LEKR1: variants seen among roughly 807,000 people sequenced by gnomAD.
The protein encoded by LEKR1 is protein LEKR1.
LEKR1 carries 59 observed loss-of-function variants against 72.4 expected under a neutral mutation model. That is an observed-to-expected ratio of 0.82 (90% CI 0.66 to 1.01). The LOEUF (loss-of-function observed/expected upper bound fraction) is 1.01. Ranked by LOEUF, LEKR1 falls within the 50% of genes least tolerant of loss-of-function variation. The pLI is 0.00. For synonymous variants in LEKR1, 257 were observed against 263.2 expected (o/e 0.98, Z 0.23); for missense variants, 728 against 759.2 (o/e 0.96, Z 0.48).
chr3:156,999,564 C>T (rs1404392528), intron 9 of LEKR1, among the ~76,000 whole-genome samples: 1 of 152,178 alleles, frequency 6.6e-6, no homozygotes, highest in African/African-American at 2.4e-5. Context: ...TTGTGAGGCT[C>T]AGTGGAAGGG....
At chr3:156,988,661 C>T in intron 7 of LEKR1, 1 of 238,012 alleles carries the variant, frequency 4.2e-6, no homozygotes, top group Non-Finnish European at 9.3e-6. Context: ...AATGCCTCTG[C>T]ACCCAGCTTC....
chr3:156,981,273 A>G (rs560527125), intron 7 of LEKR1, among the ~76,000 whole-genome samples: 2 of 152,292 alleles, frequency 1.3e-5, no homozygotes, highest in Non-Finnish European at 2.9e-5. Context: ...GAGCCTGCCC[A>G]TTTAATATTA....
chr3:156,891,177 G>A (rs6787535), intron 3 of LEKR1, among the ~76,000 whole-genome samples: 46,160 of 151,942 alleles, frequency 0.3, 9,993 homozygotes, highest in African/African-American at 0.61. Context: ...GAGCTGCCAT[G>A]CTTCTTTTTA....
At chr3:156,834,744 A>G (rs1192766120) in intron 2 of LEKR1, among the ~76,000 whole-genome samples, 2 of 152,196 alleles carry the variant, frequency 1.3e-5, no homozygotes, top group South Asian at 2.1e-4. Flanking sequence ...AGACAAGTCA[A>G]TTTTCAAAAA....
At chr3:156,890,597 T>A (rs1720550474) in intron 3 of LEKR1, among the ~76,000 whole-genome samples, 2 of 152,206 alleles carry the variant, frequency 1.3e-5, no homozygotes, top group Non-Finnish European at 2.9e-5. Flanking sequence ...TATTAATATT[T>A]CCAATGTAAA....
chr3:157,018,165 G>A (rs1049143058), intron 10 of LEKR1, among the ~76,000 whole-genome samples: 36 of 152,090 alleles, frequency 2.4e-4, no homozygotes, highest in Non-Finnish European at 3.1e-4. Context: ...AGCAAAAACT[G>A]ATAGAACTGT....
intron 1 of LEKR1, among the ~76,000 whole-genome samples, chr3:156,828,578 G>A (rs1184178891): frequency 6.6e-6 from 1 of 151,532 alleles, no homozygotes; most frequent in Non-Finnish European, 1.5e-5. Context: ...TACTCGTGAG[G>A]GAAGGATTTA....
At chr3:157,023,783 A>T (rs1302528077) in intron 10 of LEKR1, among the ~76,000 whole-genome samples, 1 of 152,198 alleles carries the variant, frequency 6.6e-6, no homozygotes, top group Non-Finnish European at 1.5e-5. Context: ...AATTCATGGA[A>T]ACATGAGAGA....
intron 5 of LEKR1, among the ~76,000 whole-genome samples, chr3:156,941,664 T>C (rs921743626): frequency 6.6e-6 from 1 of 152,120 alleles, no homozygotes; most frequent in Admixed American, 6.6e-5. Flanking sequence ...AAAAGCAGAC[T>C]GTCCAAATTT....
chr3:156,967,411 A>G (rs556235459), intron 6 of LEKR1, among the ~76,000 whole-genome samples: 7 of 152,354 alleles, frequency 4.6e-5, no homozygotes, highest in Admixed American at 4.6e-4. Flanking sequence ...TAGAATAACC[A>G]GTGCAGAGAA....
intron 6 of LEKR1, among the ~76,000 whole-genome samples, chr3:156,978,578 C>T (rs1170445448): frequency 6.6e-6 from 1 of 152,194 alleles, no homozygotes; most frequent in Non-Finnish European, 1.5e-5. Flanking sequence ...GTTCTGCATT[C>T]ACACACTTGT....
At chr3:156,981,824 A>G (rs1174142094) in intron 7 of LEKR1, among the ~76,000 whole-genome samples, 2 of 152,218 alleles carry the variant, frequency 1.3e-5, no homozygotes, top group Non-Finnish European at 2.9e-5. Context: ...ATATTAATAC[A>G]ATTTGTTAGT....
intron 10 of LEKR1, among the ~76,000 whole-genome samples, chr3:157,016,013 T>A (rs1733291184): frequency 6.6e-6 from 1 of 151,784 alleles, no homozygotes; most frequent in Non-Finnish European, 1.5e-5. Flanking sequence ...AAAAACTTTT[T>A]AAATAAAACA....
chr3:156,926,957 A>G (rs982820905), intron 4 of LEKR1, among the ~76,000 whole-genome samples: 5 of 151,916 alleles, frequency 3.3e-5, no homozygotes, highest in Non-Finnish European at 5.9e-5. Context: ...GTTGGATTTT[A>G]TGAAGCAAAT....
intron 3 of LEKR1, among the ~76,000 whole-genome samples, chr3:156,907,341 C>T (rs943547449): frequency 5.9e-5 from 9 of 152,046 alleles, no homozygotes; most frequent in African/African-American, 2.2e-4. Flanking sequence ...CTGTGAATTA[C>T]AGCTTGCATT....
At chr3:156,857,913 T>G (rs1253384204) in intron 3 of LEKR1, among the ~76,000 whole-genome samples, 1 of 152,248 alleles carries the variant, frequency 6.6e-6, no homozygotes, top group Non-Finnish European at 1.5e-5. Context: ...GGCTTTGGTG[T>G]GCACCAGACA....
intron 3 of LEKR1, among the ~76,000 whole-genome samples, chr3:156,861,623 G>A (rs1041221428): frequency 7.9e-5 from 12 of 152,048 alleles, no homozygotes; most frequent in Non-Finnish European, 1.2e-4. Flanking sequence ...GGGAAAAAAC[G>A]TTGAGTACCA....
chr3:156,900,231 G>A (rs968321079), intron 3 of LEKR1, among the ~76,000 whole-genome samples: 1 of 152,064 alleles, frequency 6.6e-6, no homozygotes, highest in African/African-American at 2.4e-5. Context: ...TAGAAAGGTG[G>A]GGAATCTAGA....
intron 3 of LEKR1, among the ~76,000 whole-genome samples, chr3:156,894,409 A>G (rs1162611576): frequency 1.3e-5 from 2 of 152,196 alleles, no homozygotes; most frequent in Non-Finnish European, 2.9e-5. Flanking sequence ...CTGTGATTAA[A>G]TTTATGTTTG....
Sources: gnomAD v4.1 joint callset for allele counts (sites outside exome capture counted in the v4.1 genomes callset) on GRCh38, gnomAD v4.1.1 for gene constraint, MANE v1.5 for transcripts, NCBI Gene and HGNC (gene_info 2026-07-23, HGNC 2026-07-21) for gene names.